TENM3: variants seen among roughly 807,000 people sequenced by gnomAD.
The protein encoded by TENM3 is teneurin transmembrane protein 3.
A neutral mutation model predicts 255.1 loss-of-function variants in TENM3; 63 were observed. The ratio of observed to expected loss-of-function variants is 0.25; its 90% CI spans 0.20 to 0.30. The LOEUF (loss-of-function observed/expected upper bound fraction) is 0.30, where lower values mean the gene tolerates loss of function less well. TENM3 is among the 10% of genes least tolerant of loss of function. The pLI, the probability that TENM3 is intolerant of heterozygous loss-of-function variation, is 1.00. For missense variants in TENM3, 2,929 were observed against 3,461.1 expected, an observed-to-expected ratio of 0.85 and a Z score of 3.86; for synonymous variants, 1,306 against 1,322.3, an observed-to-expected ratio of 0.99 and a Z score of 0.27.
At chr4:182,294,206 G>A (rs889816548) in intron 1 of TENM3, among the ~76,000 whole-genome samples, 7 of 152,152 alleles carry the variant, frequency 4.6e-5, no homozygotes, top group Non-Finnish European at 7.3e-5. Flanking sequence ...TGGTTGTGAA[G>A]TGCTTTCTTT....
chr4:181,925,496 C>T, the TENM3 span, among the ~76,000 whole-genome samples: 1 of 152,088 alleles, frequency 6.6e-6, no homozygotes. Context: ...TTCTAATTAG[C>T]CCCTAAATAT....
chr4:182,140,883 G>A (rs1175540944), upstream of TENM3, among the ~76,000 whole-genome samples: 1 of 152,218 alleles, frequency 6.6e-6, no homozygotes, highest in Non-Finnish European at 1.5e-5. Context: ...CCGCGGGGAG[G>A]CGGTGGAGCA....
the TENM3 span, among the ~76,000 whole-genome samples, chr4:181,535,803 C>A: frequency 1.3e-5 from 2 of 152,146 alleles, no homozygotes; most frequent in Non-Finnish European, 2.9e-5. Context: ...CCCCTACTTC[C>A]TTAGATGTCA....
chr4:182,505,232 A>C (rs1288809590), intron 3 of TENM3, among the ~76,000 whole-genome samples: 2 of 152,118 alleles, frequency 1.3e-5, no homozygotes, highest in Non-Finnish European at 2.9e-5. Flanking sequence ...TATATACCCT[A>C]GCATTTTTTT....
intron 3 of TENM3, among the ~76,000 whole-genome samples, chr4:182,592,998 A>G (rs1045564793): frequency 5.3e-5 from 8 of 152,216 alleles, no homozygotes; most frequent in African/African-American, 1.9e-4. Context: ...AATTTGGTTT[A>G]GTATCTTTAG....
At chr4:182,773,385 C>A in intron 22 of TENM3, 87 bp from the exon 23 acceptor site, 2 of 1,221,038 alleles carry the variant, frequency 1.6e-6, no homozygotes, top group Non-Finnish European at 2.3e-6. Context: ...CAAATTTGTG[C>A]AACTAATATT....
At chr4:181,734,339 T>C in the TENM3 span, among the ~76,000 whole-genome samples, 3 of 152,072 alleles carry the variant, frequency 2.0e-5, 1 homozygote, top group South Asian at 6.2e-4. Flanking sequence ...GAACACAGCA[T>C]AGCGCTCACC....
intron 3 of TENM3, among the ~76,000 whole-genome samples, chr4:182,570,130 C>G (rs928136384): frequency 6.6e-6 from 1 of 152,096 alleles, no homozygotes; most frequent in African/African-American, 2.4e-5. Flanking sequence ...TGATGAATGC[C>G]TGGACTCAGA....
At chr4:182,099,947 G>A in the TENM3 span, among the ~76,000 whole-genome samples, 16 of 152,064 alleles carry the variant, frequency 1.1e-4, no homozygotes, top group Non-Finnish European at 1.8e-4. Flanking sequence ...TTTAGAGCAG[G>A]GCTCAGCACT....
At chr4:181,521,939 A>C in the TENM3 span, among the ~76,000 whole-genome samples, 1 of 151,960 alleles carries the variant, frequency 6.6e-6, no homozygotes, top group Non-Finnish European at 1.5e-5. Context: ...TAATTTAAAA[A>C]AAAAATAAAA....
the TENM3 span, among the ~76,000 whole-genome samples, chr4:181,912,350 G>C: frequency 6.6e-6 from 1 of 152,180 alleles, no homozygotes; most frequent in Non-Finnish European, 1.5e-5. Flanking sequence ...AGCATACACA[G>C]ACTTCTCTAA....
chr4:181,818,079 T>C, the TENM3 span, among the ~76,000 whole-genome samples: 7 of 152,218 alleles, frequency 4.6e-5, no homozygotes, highest in Non-Finnish European at 8.8e-5. Context: ...GGGACCCACA[T>C]TGTTTTATAG....
At chr4:181,531,440 T>C in the TENM3 span, among the ~76,000 whole-genome samples, 1 of 152,194 alleles carries the variant, frequency 6.6e-6, no homozygotes, top group African/African-American at 2.4e-5. Flanking sequence ...TTTCTGTTGG[T>C]TTTGTTCATC....
chr4:182,301,813 G>A (rs1409256193), intron 1 of TENM3, among the ~76,000 whole-genome samples: 2 of 152,108 alleles, frequency 1.3e-5, no homozygotes, highest in East Asian at 1.9e-4. Context: ...CTACACTATC[G>A]CACTGGGAAT....
the TENM3 span, among the ~76,000 whole-genome samples, chr4:181,943,560 G>T: frequency 3.1e-3 from 467 of 152,188 alleles, 2 homozygotes; most frequent in African/African-American, 9.5e-3. Context: ...AAAAATAGTG[G>T]TGTATGCAAG....
At chr4:181,456,700 T>G in the TENM3 span, among the ~76,000 whole-genome samples, 1 of 152,020 alleles carries the variant, frequency 6.6e-6, no homozygotes, top group South Asian at 2.1e-4. Flanking sequence ...ATAGAATTTT[T>G]AGAGGAGGAT....
chr4:182,691,679 C>G (rs754442332), intron 12 of TENM3, among the ~76,000 whole-genome samples: 44 of 152,132 alleles, frequency 2.9e-4, no homozygotes, highest in Admixed American at 1.0e-3. Flanking sequence ...TTGGGTTTCC[C>G]TTTGATTGGT....
the TENM3 span, among the ~76,000 whole-genome samples, chr4:181,523,772 C>T: frequency 3.9e-5 from 6 of 152,136 alleles, no homozygotes; most frequent in African/African-American, 1.4e-4. Flanking sequence ...TCAGACAGGT[C>T]TCCTATGCGC....
chr4:181,904,611 G>C, the TENM3 span, among the ~76,000 whole-genome samples: 2 of 152,166 alleles, frequency 1.3e-5, no homozygotes. Context: ...TCAAGTCTCT[G>C]TCACTCATTC....
Sources: allele counts gnomAD v4.1 joint callset (sites outside exome capture counted in the v4.1 genomes callset), GRCh38; gene constraint gnomAD v4.1.1; transcripts MANE v1.5; gene names NCBI Gene and HGNC (gene_info 2026-07-23, HGNC 2026-07-21).